Variants in NPHS1 observed in about 807,000 individuals in gnomAD.
NPHS1 encodes the protein nephrin.
NPHS1 carries 107 observed loss-of-function variants against 139.7 expected under a neutral mutation model. That is an observed-to-expected ratio of 0.77 (90% CI 0.66 to 0.90). The LOEUF is 0.90. Ranked by LOEUF, NPHS1 falls within the 40% of genes least tolerant of loss-of-function variation. The probability of loss-of-function intolerance (pLI) is 0.00; values close to 1 mark genes in which losing one functional copy is unlikely to be tolerated. For missense variants in NPHS1, 1,580 were observed against 1,654.2 expected (o/e 0.96, Z 0.78); for synonymous variants, 707 against 706.6 (o/e 1.00, Z -0.01).
intron 28 of NPHS1, 87 bp downstream of exon 28, chr19:35,830,757 G>T: frequency 1.2e-6 from 1 of 859,140 alleles, no homozygotes; most frequent in Non-Finnish European, 2.0e-6. Context: ...TGTTACAGCA[G>T]CTAGCTGGCC....
chr19:35,840,496 G>A (rs561042581), intron 20 of NPHS1, among the ~76,000 whole-genome samples: 132 of 149,330 alleles, frequency 8.8e-4, no homozygotes, highest in South Asian at 1.5e-3. Flanking sequence ...CACCATGCCC[G>A]GCTAATTTTC....
Position 35,851,626 on chromosome 19 carries a change from C to T in NPHS1, c.105G>A (p.Trp35Ter), listed in dbSNP as rs1450477596. The T allele has an allele frequency of 1.2e-6, 2 of 1,613,948 alleles. No individual in the cohort carries two copies. The highest frequency in any genetic ancestry group is 3.3e-5 in the Admixed American group (2 of 60,002). ...AIPASVPRGFWALPENLTVVE... is the reference protein window; with the variant it reads ...AIPASVPRGF ...CCACCGTCAGGTTTTCAGGCAGGGC[C>T]CAGAAGCCCCGGGGAACGGAGGCAG... Residue 35 changes from tryptophan (W) to a stop codon, truncating the protein, a stop_gained, in exon 2 of 29, where the codon TGG becomes TGA. Coordinates refer to ENST00000378910, the MANE Select transcript of NPHS1 (RefSeq NM_004646.4). LOFTEE classifies it high-confidence loss of function.
chr19:35,830,323 T>A (rs1243977906), intron 28 of NPHS1, among the ~76,000 whole-genome samples: 4 of 152,252 alleles, frequency 2.6e-5, no homozygotes, highest in African/African-American at 9.6e-5. Context: ...CCTTTTCCCA[T>A]GGGTTGAACC....
chr19:35,826,432 C>G lies in NPHS1; in HGVS notation c.*82G>C. ...TTTGGGTTTTATGGAGCTCACCTAA[C>G]CAGCTCGGCCCAGGCTGTAATGAGA... On this transcript the variant is annotated 3_prime_UTR_variant, in exon 29 of 29. Transcript: ENST00000378910. 6.4e-7 allele frequency: 1 copy of G among 1,565,850 alleles called. No homozygotes were observed. The highest frequency in any genetic ancestry group is 8.8e-7 in the Non-Finnish European group (1 of 1,138,838).
At chr19:35,839,150 C>T in intron 22 of NPHS1, 87 bp downstream of exon 22, 2 of 1,308,136 alleles carry the variant, frequency 1.5e-6, no homozygotes, top group South Asian at 2.4e-5. Context: ...AGTAACTCAT[C>T]ATAAAAGGGG....
chr19:35,844,003 G>T, intron 16 of NPHS1, 100 bp downstream of exon 16: 2 of 1,499,140 alleles, frequency 1.3e-6, no homozygotes, highest in Non-Finnish European at 1.8e-6. Context: ...TTCCAGGATG[G>T]GTGGCTATCC....
chr19:35,845,904 C>G lies in NPHS1; in HGVS notation c.1627+104G>C. 1 of 1,524,058 alleles carries G rather than the reference C, an allele frequency of 6.6e-7. No individual in the cohort carries two copies. The highest frequency in any genetic ancestry group is 8.8e-7 in the Non-Finnish European group (1 of 1,132,894). 94.4% of individuals were successfully genotyped at this position (1,524,058 alleles called of 1,614,324 possible). The stretch of plus-strand genomic sequence containing the variant: ...CCGCCCAGTCTCGGGTCCCCCACCC[C>G]GCCTCCGCCCGCTTTCCCCGGGTCC... On this transcript the variant is annotated intron_variant, in intron 12 of 28. Transcript: ENST00000378910. The surrounding 1 kb of genome is among the most constrained non-coding windows in gnomAD (Gnocchi z 5.5).
At chr19:35,850,182 C>T (rs1199503443) in intron 5 of NPHS1, among the ~76,000 whole-genome samples, 182 bp downstream of exon 5, 2 of 152,204 alleles carry the variant, frequency 1.3e-5, no homozygotes, top group Admixed American at 1.3e-4. Flanking sequence ...TCCCAAAGTG[C>T]TGGGATTACA....
chr19:35,847,650 C>A (rs1973164213), intron 11 of NPHS1, among the ~76,000 whole-genome samples: 1 of 151,504 alleles, frequency 6.6e-6, no homozygotes, highest in South Asian at 2.1e-4. Flanking sequence ...GCCACTGTGC[C>A]CAGCCAAATT....
chr19:35,845,781 T>A lies in NPHS1; in HGVS notation c.1645A>T (p.Thr549Ser). ...AGTGCGGATGCGTTGGCCAGGATCGTCACGTTAGTTGGGGGAACTGGGAGA... is the reference window on the plus strand; with the variant it reads ...AGTGCGGATGCGTTGGCCAGGATCGACACGTTAGTTGGGGGAACTGGGAGA... The part of the protein sequence containing the change: ...LAVQFPPTNV[T>S]ILANASALRP... Residue 549 changes from threonine (T) to serine (S), a missense_variant, in exon 13 of 29, where the codon ACG becomes TCG. Thr to Ser is a moderately conservative substitution (Grantham distance 58). Coordinates refer to ENST00000378910, the MANE Select transcript of NPHS1 (RefSeq NM_004646.4). The surrounding 1 kb of genome is among the most constrained non-coding windows in gnomAD (Gnocchi z 5.5). 1.9e-6 allele frequency: 3 copies of A among 1,613,486 alleles called. No homozygotes were observed. The highest frequency in any genetic ancestry group is 2.5e-6 in the Non-Finnish European group (3 of 1,179,514).
intron 4 of NPHS1, 72 bp downstream of exon 4, chr19:35,850,889 G>T (rs1174949053): frequency 6.3e-7 from 1 of 1,583,044 alleles, no homozygotes; most frequent in Non-Finnish European, 8.6e-7. Context: ...AAGGGTACTG[G>T]TCAGGAACAC....
At chr19:35,827,461 AAAAAAAGAAAAAAAG>A (rs1972813851) in intron 28 of NPHS1, among the ~76,000 whole-genome samples, 1 of 151,702 alleles carries the variant, frequency 6.6e-6, no homozygotes, top group African/African-American at 2.4e-5. Flanking sequence ...AGACTATCTC[AAAAAAAGAAAAAAAG>A]AAAAAAGAAA....
In NPHS1 at chr19:35,846,212, CTG is replaced by C. The variant is rs1973139529; in HGVS notation, c.1441-20_1441-19del. On this transcript the variant is annotated intron_variant, in intron 11 of 28. Transcript: ENST00000378910. ...CGCGAGTCCTACGGGCCGGGAGTGA[CTG>C]GGGTTCGCAGGCAGCCCTGCCGCTT... The C allele has an allele frequency of 1.3e-6, 2 of 1,568,232 alleles. No homozygotes were observed. Among genetic ancestry groups the C allele is most frequent in the East Asian group, 2.4e-5 (1 of 42,294 alleles).
In NPHS1 at chr19:35,845,632, C is replaced by A; in HGVS notation, c.1757+37G>T. On this transcript the variant is annotated intron_variant, in intron 13 of 28. Transcript: ENST00000378910. The surrounding 1 kb of genome is among the most constrained non-coding windows in gnomAD (Gnocchi z 5.5). ...CGGGACATGCGTGGAGGGGGCGAGG[C>A]CAGACCAGAGAGGGGAGGGATCCCT... 4.3e-6 allele frequency: 7 copies of A among 1,610,536 alleles called. No homozygotes were observed. The highest frequency in any genetic ancestry group is 5.9e-6 in the Non-Finnish European group (7 of 1,178,346).
chr19:35,843,101 G>A (rs563932771), intron 17 of NPHS1, among the ~76,000 whole-genome samples: 4 of 151,692 alleles, frequency 2.6e-5, no homozygotes, highest in African/African-American at 4.8e-5. Context: ...TGGTGTATCC[G>A]TCCATCATCT....
Position 35,848,236 on chromosome 19 carries a change from C to A in NPHS1, c.1315+17G>T. ...CCTGAGGCTTGGGGGCATTGCTGGGCCAGGGCAGGGGCTCACATTTTACGT... is the reference window on the plus strand; with the variant it reads ...CCTGAGGCTTGGGGGCATTGCTGGGACAGGGCAGGGGCTCACATTTTACGT... On this transcript the variant is annotated intron_variant, in intron 10 of 28. Coordinates refer to ENST00000378910, the MANE Select transcript of NPHS1 (RefSeq NM_004646.4). 1 of 1,614,096 alleles carries A rather than the reference C, an allele frequency of 6.2e-7. No homozygotes were observed. The highest frequency in any genetic ancestry group is 8.5e-7 in the Non-Finnish European group (1 of 1,180,006).
chr19:35,836,052 CG>C (rs1972954666), intron 22 of NPHS1, among the ~76,000 whole-genome samples: 1 of 146,044 alleles, frequency 6.8e-6, no homozygotes. Context: ...CTCTGCCTCC[CG>C]GGTTCAAGCA....
At position 35,845,977 on chromosome 19, in the gene NPHS1, G is replaced by T; in HGVS notation, c.1627+31C>A. 1.5e-6 allele frequency: 1 copy of T among 685,522 alleles called. No individual in the cohort carries two copies. Among genetic ancestry groups the T allele is most frequent in the Non-Finnish European group, 2.4e-6 (1 of 414,992 alleles). 42.5% of individuals were successfully genotyped at this position (685,522 alleles called of 1,614,324 possible). On this transcript the variant is annotated intron_variant, in intron 12 of 28. Coordinates refer to ENST00000378910, the MANE Select transcript of NPHS1 (RefSeq NM_004646.4). This position sits in a 1 kb window ranked among gnomAD's most constrained non-coding sequence, Gnocchi z 5.5. Reference sequence around the variant, plus strand: ...CACCTGGCTCTGTCCCTCCCGCCCCGCCCCCGGGCCTCAGCAGTGCGAGCC... The same window carrying T: ...CACCTGGCTCTGTCCCTCCCGCCCCTCCCCCGGGCCTCAGCAGTGCGAGCC...
At chr19:35,847,875 C>T (rs1973166977) in intron 11 of NPHS1, 166 bp downstream of exon 11, 7 of 679,854 alleles carry the variant, frequency 1.0e-5, no homozygotes, top group Non-Finnish European at 1.7e-5. Context: ...ATTTAATTCT[C>T]ATAGCATTTG....
Sources: gnomAD v4.1 joint callset for allele counts (sites outside exome capture counted in the v4.1 genomes callset) on GRCh38, gnomAD v4.1.1 for gene constraint, Gnocchi (gnomAD v3.1) non-coding constraint, MANE v1.5 for transcripts, NCBI Gene and HGNC (gene_info 2026-07-23, HGNC 2026-07-21) for gene names.